Variants in SPRING1 observed in about 807,000 individuals in gnomAD.
The protein encoded by SPRING1 is SREBP regulating gene protein.
Under a neutral mutation model 24.7 loss-of-function variants are expected in SPRING1, and 14 were observed. The observed-to-expected ratio is 0.57, with a 90% CI of 0.37 to 0.88. The LOEUF is 0.88. SPRING1 is among the 40% of genes least tolerant of loss of function. The pLI, the probability that SPRING1 is intolerant of heterozygous loss-of-function variation, is 0.00. For synonymous variants in SPRING1, 93 were observed against 106.1 expected (o/e 0.88, Z 0.76); for missense variants, 255 against 268.4 (o/e 0.95, Z 0.35).
At position 116,714,197 on chromosome 12, in the gene SPRING1, C is replaced by T. The variant is rs369033876; in HGVS notation, c.*3613G>A. ...AGGAGGAAGACTGCCTCAGCCACGC[C>T]GCTAGTAAGTGGTAGTTCCCAACTC... is the stretch of plus-strand genomic sequence containing the variant. On this transcript the variant is annotated 3_prime_UTR_variant, in exon 5 of 5. Transcript: ENST00000261318. 6.6e-6 allele frequency: 1 copy of T among 152,222 alleles called. No homozygotes were observed. The highest frequency in any genetic ancestry group is 1.9e-4 in the East Asian group (1 of 5,210). 9.4% of individuals were successfully genotyped at this position (152,222 alleles called of 1,614,324 possible). A position where few individuals can be genotyped will look rare whatever the true frequency, so the allele number is the denominator to read the frequency against.
At chr12:116,729,192 A>G (rs1870857008) in intron 1 of SPRING1, among the ~76,000 whole-genome samples, 1 of 151,898 alleles carries the variant, frequency 6.6e-6, no homozygotes, top group Non-Finnish European at 1.5e-5. Context: ...CGACCTCTAT[A>G]TTCAATATCT....
chr12:116,717,969 G>A lies in SPRING1; in HGVS notation c.535-76C>T, dbSNP rs1374162028. 25 of 1,262,788 alleles carry A rather than the reference G, an allele frequency of 2.0e-5. No individual in the cohort carries two copies. The South Asian group carries it at 2.1e-4, about 11-fold the overall frequency. 78.2% of individuals were successfully genotyped at this position (1,262,788 alleles called of 1,614,324 possible). On this transcript the variant is annotated intron_variant, in intron 4 of 4. Transcript: ENST00000261318. The surrounding 1 kb of genome is among the most constrained non-coding windows in gnomAD (Gnocchi z 4.2). ...ACACCTCCCTCTCGGAAGAGTGAGA[G>A]TGGATCGGGACTGTCAGACTCTCCC...
chr12:116,725,584 ATTATAC>A (rs1387287474), intron 1 of SPRING1, among the ~76,000 whole-genome samples: 1 of 152,208 alleles, frequency 6.6e-6, no homozygotes, highest in Non-Finnish European at 1.5e-5. Context: ...AGAACTTTCT[ATTATAC>A]TTAGTACTTT....
chr12:116,733,441 C>T lies in SPRING1; in HGVS notation c.111+4349G>A, dbSNP rs1244970702. 2.0e-5 allele frequency among the ~76,000 whole-genome samples: 3 copies of T among 147,336 alleles called. 1 individual carries two copies. Among genetic ancestry groups the T allele is most frequent in the African/African-American group, 7.9e-5 (3 of 37,854 alleles). On this transcript the variant is annotated intron_variant, in intron 1 of 4. Transcript: ENST00000261318. The stretch of plus-strand genomic sequence containing the variant: ...TCATGATCTGCCCACCTCGGCCCTC[C>T]CAAAGTGCTGGGAATTACAGGCGTG...
Position 116,720,185 on chromosome 12 carries a change from CCTTT to C in SPRING1, c.420+107_420+110del, listed in dbSNP as rs1218633568. The C allele has an allele frequency of 2.7e-5, 36 of 1,355,692 alleles. No individual in the cohort carries two copies. Among genetic ancestry groups the C allele is most frequent in the Non-Finnish European group, 3.3e-5 (34 of 1,015,764 alleles). The allele number at this position is 1,355,692 out of a possible 1,614,324, so 84.0% of individuals were successfully genotyped here. A position where few individuals can be genotyped will look rare whatever the true frequency, so the allele number is the denominator to read the frequency against. ...AGCAATTTCTGACACCTACAAAGCTCCTTTCTAAGTTTTATTTTCAGAGGAATCT... is the reference window on the plus strand; with the variant it reads ...AGCAATTTCTGACACCTACAAAGCTCCTAAGTTTTATTTTCAGAGGAATCT... On this transcript the variant is annotated intron_variant, in intron 3 of 4. Transcript: ENST00000261318. This position sits in a 1 kb window ranked among gnomAD's most constrained non-coding sequence, Gnocchi z 4.0.
In SPRING1 at chr12:116,710,672, T is replaced by C. The variant is rs1054632824; in HGVS notation, c.*7138A>G. 3 of 152,178 alleles carry C rather than the reference T, an allele frequency of 2.0e-5. No homozygotes were observed. 9.4% of individuals were successfully genotyped at this position (152,178 alleles called of 1,614,324 possible). Reference sequence around the variant, plus strand: ...TGGAGGAGGAAGAGGCAGAAAATGGTGAGCCCCAGTTGAAATCTGCAAGAG... The same window carrying C: ...TGGAGGAGGAAGAGGCAGAAAATGGCGAGCCCCAGTTGAAATCTGCAAGAG... On this transcript the variant is annotated 3_prime_UTR_variant, in exon 5 of 5. Transcript: ENST00000261318.
At chr12:116,732,563 G>T (rs7976188) in intron 1 of SPRING1, among the ~76,000 whole-genome samples, 5 of 152,118 alleles carry the variant, frequency 3.3e-5, no homozygotes, top group Admixed American at 1.3e-4. Context: ...CAAAATTAGC[G>T]AGGCATGGTG....
intron 1 of SPRING1, among the ~76,000 whole-genome samples, chr12:116,734,166 C>T (rs538713522): frequency 3.3e-5 from 5 of 152,212 alleles, no homozygotes; most frequent in Non-Finnish European, 7.3e-5. Context: ...CGTGAGCCAT[C>T]GCACCCAGCC....
intron 1 of SPRING1, among the ~76,000 whole-genome samples, chr12:116,730,706 A>C (rs1870934764): frequency 7.0e-6 from 1 of 143,870 alleles, no homozygotes; most frequent in Non-Finnish European, 1.5e-5. Context: ...AGATCTTCTA[A>C]TTGACACATT....
chr12:116,723,989 T>C (rs938505988), intron 1 of SPRING1, among the ~76,000 whole-genome samples: 30 of 152,084 alleles, frequency 2.0e-4, no homozygotes, highest in African/African-American at 7.0e-4. Flanking sequence ...TATAATCTTT[T>C]CTATACTGTT....
chr12:116,718,729 T>G (rs1870272893), intron 4 of SPRING1, among the ~76,000 whole-genome samples: 1 of 152,242 alleles, frequency 6.6e-6, no homozygotes, highest in Non-Finnish European at 1.5e-5. Context: ...ATACTTCGCC[T>G]TTTCTAGCGT....
rs1002639478 is a variant in SPRING1, at chr12:116,738,017, G to A, written c.-117C>T. 1.2e-5 allele frequency: 13 copies of A among 1,111,664 alleles called. No individual in the cohort carries two copies. The African/African-American group carries it at 1.7e-4, about 14-fold the overall frequency. The allele number at this position is 1,111,664 out of a possible 1,614,324, so 68.9% of individuals were successfully genotyped here. ...ATCCCTCCAGGCAGGCGCCGGCCCC[G>A]CCGCCCGCAGCCCAGTCTGCTCCCG... On this transcript the variant is annotated 5_prime_UTR_variant, in exon 1 of 5. Coordinates refer to ENST00000261318, the MANE Select transcript of SPRING1 (RefSeq NM_024738.4).
In SPRING1 at chr12:116,710,776, T is replaced by C. The variant is rs1053534070; in HGVS notation, c.*7034A>G. ...ATTTGTCCTGTGAAAATCAAAAGCC[T>C]GGGACCCAGCCGCTGGGATACGAGG... On this transcript the variant is annotated 3_prime_UTR_variant, in exon 5 of 5. Coordinates refer to ENST00000261318, the MANE Select transcript of SPRING1 (RefSeq NM_024738.4). 7 of 152,230 alleles carry C rather than the reference T, an allele frequency of 4.6e-5. No homozygotes were observed. Among genetic ancestry groups the C allele is most frequent in the African/African-American group, 1.4e-4 (6 of 41,530 alleles). The allele number at this position is 152,230 out of a possible 1,614,324, so 9.4% of individuals were successfully genotyped here. A position where few individuals can be genotyped will look rare whatever the true frequency, so the allele number is the denominator to read the frequency against.
In SPRING1 at chr12:116,712,207, C is replaced by T. The variant is rs1238117999; in HGVS notation, c.*5603G>A. ...AACTGGCAAGTCATTCTCTTTACTA[C>T]ATTAAAGTCTGCACTTTCATTTTAC... On this transcript the variant is annotated 3_prime_UTR_variant, in exon 5 of 5. Transcript: ENST00000261318. The T allele has an allele frequency of 1.3e-5, 2 of 152,226 alleles. No individual in the cohort carries two copies. The highest frequency in any genetic ancestry group is 2.9e-5 in the Non-Finnish European group (2 of 68,040). 9.4% of individuals were successfully genotyped at this position (152,226 alleles called of 1,614,324 possible).
intron 1 of SPRING1, among the ~76,000 whole-genome samples, chr12:116,726,341 C>T (rs339448): frequency 0.89 from 135,892 of 152,272 alleles, 60,786 homozygotes; most frequent in East Asian, 0.99. Flanking sequence ...ACATCTACCA[C>T]CTGTAATAGT....
In SPRING1 at chr12:116,717,893, T is replaced by C; in HGVS notation, c.535A>G (p.Ser179Gly). ...CGGTAGGTGTTCTCATGCTGCACGC[T>C]CTGTTGGCAAAAGGAAAATAAGAGC... ...CLAKCRTSSQSVQHENTYRDP... is the reference protein window; with the variant it reads ...CLAKCRTSSQGVQHENTYRDP... The change falls in exon 5 of 5, where the codon AGC (serine) becomes GGC (glycine). Residue 179 changes from serine (S) to glycine (G), a missense_variant and splice_region_variant. By Grantham distance (56) the Ser-to-Gly change is moderately conservative. Transcript: ENST00000261318. The surrounding 1 kb of genome is among the most constrained non-coding windows in gnomAD (Gnocchi z 4.2). 1.3e-6 allele frequency: 2 copies of C among 1,599,874 alleles called. No individual in the cohort carries two copies. The highest frequency in any genetic ancestry group is 1.7e-6 in the Non-Finnish European group (2 of 1,171,436).
chr12:116,733,623 T>G (rs898663942), intron 1 of SPRING1, among the ~76,000 whole-genome samples: 6 of 152,156 alleles, frequency 3.9e-5, no homozygotes, highest in Non-Finnish European at 7.3e-5. Context: ...TTCAGCTAAG[T>G]GTTAAACACA....
At chr12:116,719,903 A>G in intron 3 of SPRING1, 27 bp from the exon 4 acceptor site, 1 of 1,587,884 alleles carries the variant, frequency 6.3e-7, no homozygotes, top group Non-Finnish European at 8.6e-7. Flanking sequence ...TAGTGCCTGT[A>G]ATAAATTACC....
intron 1 of SPRING1, among the ~76,000 whole-genome samples, chr12:116,736,190 C>CTGTCCCCAGGACAG (rs1871212374): frequency 6.7e-6 from 1 of 149,998 alleles, no homozygotes. Flanking sequence ...CTGTTGTTAT[C>CTGTCCCCAGGACAG]AACTACTGGC....
Sources: gnomAD v4.1 joint callset for allele counts (sites outside exome capture counted in the v4.1 genomes callset) on GRCh38, gnomAD v4.1.1 for gene constraint, Gnocchi (gnomAD v3.1) non-coding constraint, MANE v1.5 for transcripts, NCBI Gene and HGNC (gene_info 2026-07-23, HGNC 2026-07-21) for gene names.